NNT: variants seen among roughly 807,000 people sequenced by gnomAD.
The protein encoded by NNT is nicotinamide nucleotide transhydrogenase, also known as NAD(P) transhydrogenase, mitochondrial.
Under a neutral mutation model 104.8 loss-of-function variants are expected in NNT, and 50 were observed. The observed-to-expected ratio is 0.48, with a 90% CI of 0.38 to 0.60. NNT has a LOEUF of 0.60. NNT is among the 20% of genes least tolerant of loss of function. The probability of loss-of-function intolerance (pLI) is 0.00; values close to 1 mark genes in which losing one functional copy is unlikely to be tolerated. For missense variants in NNT, 1,131 were observed against 1,330.7 expected (o/e 0.85, Z 2.33); for synonymous variants, 461 against 490.4 (o/e 0.94, Z 0.79).
chr5:43,656,941 C>A, intron 16 of NNT, 128 bp downstream of exon 16: 2 of 819,782 alleles, frequency 2.4e-6, no homozygotes, highest in East Asian at 2.7e-5. Context: ...AAAATTACGT[C>A]ACATGTGCAT....
intron 17 of NNT, among the ~76,000 whole-genome samples, chr5:43,661,652 C>T (rs557892410): frequency 0.047 from 6,615 of 140,006 alleles, 213 homozygotes; most frequent in African/African-American, 0.097. Context: ...TGAGTGAGAA[C>T]ATTCGGTGTT....
intron 7 of NNT, among the ~76,000 whole-genome samples, chr5:43,632,234 G>A (rs1002124951): frequency 1.3e-5 from 2 of 152,150 alleles, no homozygotes; most frequent in African/African-American, 2.4e-5. Flanking sequence ...ATGACCCTCA[G>A]AGCAGAAATT....
chr5:43,658,219 G>A (rs1353576377), intron 16 of NNT, among the ~76,000 whole-genome samples: 1 of 152,056 alleles, frequency 6.6e-6, no homozygotes, highest in African/African-American at 2.4e-5. Flanking sequence ...GATATTTAAA[G>A]GATTTATTGG....
chr5:43,677,366 G>A (rs1032946162), intron 18 of NNT, among the ~76,000 whole-genome samples: 4 of 151,796 alleles, frequency 2.6e-5, no homozygotes, highest in East Asian at 1.9e-4. Flanking sequence ...CCGCAGTGTC[G>A]TCAAAGCCAA....
At chr5:43,630,423 T>C (rs138593206) in intron 7 of NNT, among the ~76,000 whole-genome samples, 2,408 of 152,344 alleles carry the variant, frequency 0.016, 26 homozygotes, top group South Asian at 0.025. Flanking sequence ...ATTTTGATCA[T>C]ATTTTTCTAT....
chr5:43,696,860 T>G (rs1742583180), intron 19 of NNT, among the ~76,000 whole-genome samples: 1 of 152,096 alleles, frequency 6.6e-6, no homozygotes, highest in African/African-American at 2.4e-5. Flanking sequence ...GGGCACCAAG[T>G]CCCTACACTG....
chr5:43,700,372 A>G (rs975608753), intron 20 of NNT, 135 bp downstream of exon 20: 2 of 574,336 alleles, frequency 3.5e-6, no homozygotes, highest in Non-Finnish European at 6.1e-6. Flanking sequence ...GTAGATAATA[A>G]GTTGAAATTA....
At chr5:43,633,158 C>T (rs1049767104) in intron 7 of NNT, among the ~76,000 whole-genome samples, 28 of 152,140 alleles carry the variant, frequency 1.8e-4, no homozygotes, top group African/African-American at 5.8e-4. Flanking sequence ...GTAGCTTGGG[C>T]GACTTGGGTT....
chr5:43,660,471 TAATG>T (rs1461278269), intron 17 of NNT, among the ~76,000 whole-genome samples: 1 of 152,178 alleles, frequency 6.6e-6, no homozygotes, highest in East Asian at 1.9e-4. Flanking sequence ...TTCTAAATAA[TAATG>T]AAACTAAATG....
chr5:43,628,121 A>C (rs957253582), intron 6 of NNT, 79 bp from the exon 7 acceptor site: 1 of 1,035,100 alleles, frequency 9.7e-7, no homozygotes, highest in Non-Finnish European at 1.3e-6. Context: ...GTTCTTAAAA[A>C]GGTATATGTA....
At chr5:43,622,733 T>C (rs1750161565) in intron 5 of NNT, among the ~76,000 whole-genome samples, 1 of 152,138 alleles carries the variant, frequency 6.6e-6, no homozygotes, top group South Asian at 2.1e-4. Context: ...AGTAACAGAG[T>C]CAGGATTTTG....
chr5:43,621,959 G>T (rs1351486486), intron 5 of NNT, among the ~76,000 whole-genome samples: 1 of 152,182 alleles, frequency 6.6e-6, no homozygotes, highest in African/African-American at 2.4e-5. Context: ...ATGTTGGAAA[G>T]GAAGGTCTAG....
chr5:43,702,092 T>G (rs1282301183), intron 20 of NNT, among the ~76,000 whole-genome samples: 1 of 152,216 alleles, frequency 6.6e-6, no homozygotes, highest in African/African-American at 2.4e-5. Context: ...TTTCTTTTGC[T>G]AAGCAGAAGC....
rs373945382 is a variant in NNT, at chr5:43,649,118, C to G, written c.1445-29C>G. On this transcript the variant is annotated intron_variant, in intron 10 of 21. Transcript: ENST00000344920. ...TTACTGAGATAACTGGATGTCAGCT[C>G]AAACACACTCTTTACTCTCTTTCTC... 2.4e-5 allele frequency: 39 copies of G among 1,612,078 alleles called. No individual in the cohort carries two copies. In the African/African-American group the frequency reaches 4.4e-4, roughly 18 times the overall value.
chr5:43,623,986 A>G (rs1411790072), intron 5 of NNT, 46 bp from the exon 6 acceptor site: 16 of 1,556,394 alleles, frequency 1.0e-5, no homozygotes, highest in Non-Finnish European at 1.4e-5. Flanking sequence ...ATTTTTCATT[A>G]TTAGTTGATA....
intron 18 of NNT, among the ~76,000 whole-genome samples, chr5:43,677,237 A>G (rs146628240): frequency 5.6e-4 from 86 of 152,274 alleles, no homozygotes; most frequent in African/African-American, 2.0e-3. Context: ...ATTTTCAAGG[A>G]GAATGTGAGG....
intron 19 of NNT, among the ~76,000 whole-genome samples, chr5:43,678,545 T>C (rs1561316812): frequency 6.6e-6 from 1 of 152,188 alleles, no homozygotes; most frequent in Admixed American, 6.5e-5. Flanking sequence ...GTGGTTTGAT[T>C]TGAGGAAAGA....
intron 19 of NNT, among the ~76,000 whole-genome samples, chr5:43,685,444 A>T (rs1179231860): frequency 6.6e-6 from 1 of 152,174 alleles, no homozygotes; most frequent in East Asian, 1.9e-4. Context: ...ATGGTGACTC[A>T]CAAAACATGT....
chr5:43,646,868 C>CT (rs1554049628), intron 10 of NNT, among the ~76,000 whole-genome samples: 4 of 152,016 alleles, frequency 2.6e-5, no homozygotes, highest in Non-Finnish European at 5.9e-5. Context: ...AACATAAATT[C>CT]TTTTTTTAAA....
Sources: allele counts gnomAD v4.1 joint callset (sites outside exome capture counted in the v4.1 genomes callset), GRCh38; gene constraint gnomAD v4.1.1; transcripts MANE v1.5; gene names NCBI Gene and HGNC (gene_info 2026-07-23, HGNC 2026-07-21).